Variants in CPQ observed in about 807,000 individuals in gnomAD.
The protein encoded by CPQ is carboxypeptidase Q.
A neutral mutation model predicts 45.7 loss-of-function variants in CPQ; 37 were observed. That is an observed-to-expected ratio of 0.81 (90% CI 0.62 to 1.07). CPQ has a LOEUF of 1.07. CPQ is among the 50% of genes least tolerant of loss of function. CPQ has a pLI of 0.00. For missense variants in CPQ, 537 were observed against 572.9 expected (o/e 0.94, Z 0.64); for synonymous variants, 186 against 205.8 (o/e 0.90, Z 0.82).
At chr8:96,863,198 T>C (rs1811952589) in intron 3 of CPQ, among the ~76,000 whole-genome samples, 2 of 151,990 alleles carry the variant, frequency 1.3e-5, no homozygotes, top group African/African-American at 4.8e-5. Flanking sequence ...ATTATAGGAA[T>C]ATAAGGAAAC....
At chr8:96,861,626 T>C (rs1427524689) in intron 3 of CPQ, among the ~76,000 whole-genome samples, 1 of 152,124 alleles carries the variant, frequency 6.6e-6, no homozygotes, top group Non-Finnish European at 1.5e-5. Flanking sequence ...GAGATACATC[T>C]AAAACAGATG....
chr8:96,793,719 A>C (rs998241547), intron 2 of CPQ, among the ~76,000 whole-genome samples: 4 of 152,240 alleles, frequency 2.6e-5, no homozygotes, highest in Admixed American at 2.6e-4. Context: ...CTGTCCACTT[A>C]TAAGCCTGCA....
chr8:97,132,009 A>AAAG (rs1811967086), intron 7 of CPQ, among the ~76,000 whole-genome samples: 5 of 152,352 alleles, frequency 3.3e-5, no homozygotes, highest in Admixed American at 2.6e-4. Flanking sequence ...TAGTTTCATC[A>AAAG]AAGTTTCTTT....
At chr8:96,808,371 G>A (rs1040893256) in intron 2 of CPQ, among the ~76,000 whole-genome samples, 6 of 152,164 alleles carry the variant, frequency 3.9e-5, no homozygotes, top group African/African-American at 1.4e-4. Flanking sequence ...TGGGATCACA[G>A]TGAGCCTGGC....
chr8:96,826,216 G>A (rs763074858), intron 2 of CPQ, among the ~76,000 whole-genome samples: 9 of 151,996 alleles, frequency 5.9e-5, no homozygotes, highest in Non-Finnish European at 1.0e-4. Context: ...GTTTCCTGCC[G>A]TTTGGTGTTG....
At chr8:97,022,566 A>C (rs1284923518) in intron 5 of CPQ, among the ~76,000 whole-genome samples, 1 of 152,166 alleles carries the variant, frequency 6.6e-6, no homozygotes, top group Non-Finnish European at 1.5e-5. Flanking sequence ...AAAGTGGGCT[A>C]AAGACATGAA....
intron 5 of CPQ, among the ~76,000 whole-genome samples, chr8:97,017,224 A>G (rs577101287): frequency 6.6e-6 from 1 of 152,268 alleles, no homozygotes; most frequent in African/African-American, 2.4e-5. Flanking sequence ...CGAGCAAAAT[A>G]TGGGGTTAGA....
intron 4 of CPQ, among the ~76,000 whole-genome samples, chr8:96,889,857 G>A (rs372130809): frequency 6.6e-6 from 1 of 152,164 alleles, no homozygotes; most frequent in Admixed American, 6.5e-5. Context: ...CTTAGATGGT[G>A]CCCACCCAGA....
intron 7 of CPQ, among the ~76,000 whole-genome samples, chr8:97,070,061 A>T (rs184816294): frequency 6.6e-6 from 1 of 152,328 alleles, no homozygotes; most frequent in Non-Finnish European, 1.5e-5. Context: ...GCTTTGGGGA[A>T]AAAAGATTTT....
intron 7 of CPQ, among the ~76,000 whole-genome samples, chr8:97,088,817 G>A (rs1373869806): frequency 2.0e-5 from 3 of 152,130 alleles, no homozygotes; most frequent in Non-Finnish European, 4.4e-5. Context: ...ACCATAGGTA[G>A]CTCAAAAGAA....
intron 3 of CPQ, among the ~76,000 whole-genome samples, chr8:96,872,274 A>C (rs916683736): frequency 1.3e-5 from 2 of 151,910 alleles, no homozygotes; most frequent in Admixed American, 1.3e-4. Flanking sequence ...CTGTGCATGA[A>C]ACAAAATTTT....
rs560008078 is a variant in CPQ, at chr8:97,108,614, T to C, written c.1256-34406T>C. Among the ~76,000 whole-genome samples, 262 of 152,338 alleles carry C rather than the reference T, an allele frequency of 1.7e-3. 1 individual carries two copies. The highest frequency in any genetic ancestry group is 3.2e-3 in the Non-Finnish European group (217 of 68,036). On this transcript the variant is annotated intron_variant, in intron 7 of 7. Coordinates refer to ENST00000220763, the MANE Select transcript of CPQ (RefSeq NM_016134.4). ...TCAAGTGATTCAGCGATTACCTCTG[T>C]GCACCCAAATCCTACCTGATTGGAA...
chr8:96,650,926 ACAAT>A (rs1163917503), intron 1 of CPQ, among the ~76,000 whole-genome samples: 2 of 152,230 alleles, frequency 1.3e-5, no homozygotes, highest in African/African-American at 4.8e-5. Context: ...TATAAAATGA[ACAAT>A]CAGTCACTCC....
chr8:97,122,999 AAAT>A (rs1237426916), intron 7 of CPQ, among the ~76,000 whole-genome samples: 1 of 53,396 alleles, frequency 1.9e-5, no homozygotes, highest in African/African-American at 1.0e-4. Context: ...AAATAAAATA[AAAT>A]ATAAAATAAA....
At chr8:96,648,335 T>C (rs1275745139) in intron 1 of CPQ, among the ~76,000 whole-genome samples, 2 of 152,198 alleles carry the variant, frequency 1.3e-5, no homozygotes, top group African/African-American at 4.8e-5. Context: ...ACAATTTTTA[T>C]TACTTGCCCT....
chr8:96,803,495 C>G (rs1405049012), intron 2 of CPQ, among the ~76,000 whole-genome samples: 4 of 152,074 alleles, frequency 2.6e-5, no homozygotes, highest in African/African-American at 9.7e-5. Context: ...ATAAAGCTTT[C>G]AAGTTTGGAT....
At chr8:96,989,475 G>C (rs1008486984) in intron 5 of CPQ, among the ~76,000 whole-genome samples, 4 of 146,434 alleles carry the variant, frequency 2.7e-5, no homozygotes, top group African/African-American at 1.0e-4. Context: ...GCGGAGGGGA[G>C]GGGAGGAGAG....
intron 1 of CPQ, among the ~76,000 whole-genome samples, chr8:96,658,198 A>G (rs1169706655): frequency 6.6e-6 from 1 of 152,238 alleles, no homozygotes; most frequent in African/African-American, 2.4e-5. Flanking sequence ...TTTGAGAAGC[A>G]GAAGGTGCAT....
chr8:96,766,154 G>A (rs144852814), intron 1 of CPQ, among the ~76,000 whole-genome samples: 5 of 152,166 alleles, frequency 3.3e-5, no homozygotes, highest in African/African-American at 4.8e-5. Flanking sequence ...GGTTGCTTTT[G>A]AGGATTGAAT....
Sources: allele counts gnomAD v4.1 joint callset (sites outside exome capture counted in the v4.1 genomes callset), GRCh38; gene constraint gnomAD v4.1.1; transcripts MANE v1.5; gene names NCBI Gene and HGNC (gene_info 2026-07-23, HGNC 2026-07-21).